CTNNA3: variants seen among roughly 807,000 people sequenced by gnomAD.
The protein encoded by CTNNA3 is catenin alpha-3.
CTNNA3 carries 76 observed loss-of-function variants against 95.7 expected under a neutral mutation model. The ratio of observed to expected loss-of-function variants is 0.79; its 90% CI spans 0.66 to 0.96. The LOEUF (loss-of-function observed/expected upper bound fraction) is 0.96. Ranked by LOEUF, CTNNA3 falls within the 40% of genes least tolerant of loss-of-function variation. The pLI, the probability that CTNNA3 is intolerant of heterozygous loss-of-function variation, is 0.00. For missense variants in CTNNA3, 1,191 were observed against 1,089.8 expected, an observed-to-expected ratio of 1.09 and a Z score of -1.31; for synonymous variants, 431 against 374.4, an observed-to-expected ratio of 1.15 and a Z score of -1.74.
At chr10:67,688,994 G>A (rs1037142164) in intron 1 of CTNNA3, among the ~76,000 whole-genome samples, 1 of 152,056 alleles carries the variant, frequency 6.6e-6, no homozygotes, top group East Asian at 1.9e-4. Context: ...TCAAAAACCT[G>A]CATTCTTGCC....
intron 7 of CTNNA3, among the ~76,000 whole-genome samples, chr10:67,160,480 C>G (rs118059259): frequency 1.4e-5 from 2 of 147,062 alleles, no homozygotes; most frequent in East Asian, 2.0e-4. Context: ...CTCTGTCCCC[C>G]GGGCTGGAGT....
At chr10:66,052,636 T>G (rs975660321) in intron 15 of CTNNA3, among the ~76,000 whole-genome samples, 3 of 152,062 alleles carry the variant, frequency 2.0e-5, no homozygotes, top group Admixed American at 6.6e-5. Flanking sequence ...TACAAATACC[T>G]GAGCACTAGC....
At chr10:66,947,395 A>G (rs1347864949) in intron 7 of CTNNA3, among the ~76,000 whole-genome samples, 2 of 152,156 alleles carry the variant, frequency 1.3e-5, no homozygotes, top group African/African-American at 2.4e-5. Context: ...CCATTTCACT[A>G]TATCACAAGG....
intron 7 of CTNNA3, among the ~76,000 whole-genome samples, chr10:66,839,697 C>T (rs1311362559): frequency 6.6e-6 from 1 of 152,086 alleles, no homozygotes; most frequent in Non-Finnish European, 1.5e-5. Context: ...TATCCTCAAA[C>T]ATCTCAGAAA....
rs1357247563 is a variant in CTNNA3 at position 66,978,572 on chromosome 10, G to A, written c.1047+201745C>T. On this transcript the variant is annotated intron_variant, in intron 7 of 17. Coordinates refer to ENST00000433211, the MANE Select transcript of CTNNA3 (RefSeq NM_013266.4). ...AAAAAAATATATATATATATATATA[G>A]TATGGTGTACTTAATATTTTTAAGG... Among the ~76,000 whole-genome samples, 18 of 64,118 alleles carry A rather than the reference G, an allele frequency of 2.8e-4. No homozygotes were observed. The South Asian group carries it at 3.5e-3, about 13-fold the overall frequency. The allele number at this position is 64,118 out of a possible 152,430, so 42.1% of individuals were successfully genotyped here.
chr10:66,922,942 C>A (rs187159353), intron 7 of CTNNA3, among the ~76,000 whole-genome samples: 3 of 152,036 alleles, frequency 2.0e-5, no homozygotes, highest in African/African-American at 7.2e-5. Context: ...TAAGCATTTA[C>A]GCTTTGTATA....
chr10:66,411,690 T>C lies in CTNNA3; in HGVS notation c.1532-32338A>G, dbSNP rs578157045. On this transcript the variant is annotated intron_variant, in intron 11 of 17. Transcript: ENST00000433211. ...ACCAGCAAGTAGATAAGGACTATAA[T>C]TTCAGACAGTGATAAATACTGTAAA... Among the ~76,000 whole-genome samples, 5 of 152,248 alleles carry C rather than the reference T, an allele frequency of 3.3e-5. No homozygotes were observed. The East Asian group carries it at 9.6e-4, about 29-fold the overall frequency.
intron 7 of CTNNA3, among the ~76,000 whole-genome samples, chr10:67,094,125 G>A (rs532066304): frequency 6.6e-6 from 1 of 151,968 alleles, no homozygotes; most frequent in East Asian, 1.9e-4. Context: ...AACAATATAT[G>A]TAATATTTTT....
chr10:66,365,465 C>T (rs1370991070), intron 12 of CTNNA3, among the ~76,000 whole-genome samples: 1 of 151,990 alleles, frequency 6.6e-6, no homozygotes, highest in Non-Finnish European at 1.5e-5. Flanking sequence ...CAGCAAACCA[C>T]CAGGGCACGC....
chr10:67,637,103 T>C (rs1314934605), intron 2 of CTNNA3, among the ~76,000 whole-genome samples: 1 of 152,038 alleles, frequency 6.6e-6, no homozygotes, highest in Non-Finnish European at 1.5e-5. Flanking sequence ...GGCAAAGAAG[T>C]TAAAAACCTT....
At chr10:67,336,857 T>C (rs898784048) in intron 5 of CTNNA3, among the ~76,000 whole-genome samples, 1 of 152,204 alleles carries the variant, frequency 6.6e-6, no homozygotes, top group Non-Finnish European at 1.5e-5. Flanking sequence ...CATGGTATAC[T>C]GAATATTTTA....
chr10:66,432,638 G>C (rs2093306609), intron 11 of CTNNA3, among the ~76,000 whole-genome samples: 1 of 149,366 alleles, frequency 6.7e-6, no homozygotes, highest in Non-Finnish European at 1.5e-5. Flanking sequence ...TCCAGCCTGG[G>C]TGACAGAGCG....
intron 4 of CTNNA3, among the ~76,000 whole-genome samples, chr10:67,538,612 G>A (rs1017092010): frequency 2.6e-5 from 4 of 151,042 alleles, no homozygotes; most frequent in Non-Finnish European, 4.4e-5. Flanking sequence ...AGAAAGAAAA[G>A]AAAAAGAAAG....
chr10:66,805,054 T>C (rs1841586176), intron 7 of CTNNA3, among the ~76,000 whole-genome samples: 2 of 152,120 alleles, frequency 1.3e-5, no homozygotes, highest in Admixed American at 1.3e-4. Flanking sequence ...CAATAGAAAC[T>C]TTGGACTTCT....
chr10:66,092,021 C>T (rs1402376973), intron 14 of CTNNA3, among the ~76,000 whole-genome samples: 2 of 151,890 alleles, frequency 1.3e-5, no homozygotes, highest in Non-Finnish European at 2.9e-5. Context: ...CATCTCCAGA[C>T]TGCTCAATTC....
chr10:67,003,124 A>G (rs1851777328), intron 7 of CTNNA3, among the ~76,000 whole-genome samples: 1 of 152,198 alleles, frequency 6.6e-6, no homozygotes, highest in Non-Finnish European at 1.5e-5. Context: ...TTCCATTGAA[A>G]TAATCTATGC....
At chr10:67,347,624 T>A (rs1439001617) in intron 5 of CTNNA3, among the ~76,000 whole-genome samples, 4 of 152,140 alleles carry the variant, frequency 2.6e-5, no homozygotes, top group Non-Finnish European at 5.9e-5. Flanking sequence ...TTAGGATGGA[T>A]AGTAAAGTTG....
intron 13 of CTNNA3, among the ~76,000 whole-genome samples, chr10:66,115,532 A>AGAT (rs1554853216): frequency 2.6e-5 from 3 of 115,676 alleles, no homozygotes; most frequent in East Asian, 2.5e-4. Context: ...GATGATAGAT[A>AGAT]GATAGATAGA....
Position 66,927,917 on chromosome 10 carries a change from G to A in CTNNA3, c.1048-152393C>T. On this transcript the variant is annotated intron_variant, in intron 7 of 17. Transcript: ENST00000433211. This position sits in a 1 kb window ranked among gnomAD's most constrained non-coding sequence, Gnocchi z 4.7. Reference sequence around the variant, plus strand: ...TGGCTGAAAAGTTTTAAAGGTCTAAGGGAGAATACAATTATCTGTGCCAGT... The same window carrying A: ...TGGCTGAAAAGTTTTAAAGGTCTAAAGGAGAATACAATTATCTGTGCCAGT... 6.2e-7 allele frequency: 1 copy of A among 1,614,236 alleles called. No homozygotes were observed.
Sources: allele counts gnomAD v4.1 joint callset (sites outside exome capture counted in the v4.1 genomes callset), GRCh38; gene constraint gnomAD v4.1.1; non-coding constraint Gnocchi (gnomAD v3.1); transcripts MANE v1.5; gene names NCBI Gene and HGNC (gene_info 2026-07-23, HGNC 2026-07-21).